Variants in MAP2K5 observed in about 807,000 individuals in gnomAD.
The protein encoded by MAP2K5 is mitogen-activated protein kinase kinase 5, also known as dual specificity mitogen-activated protein kinase kinase 5.
Under a neutral mutation model 83.1 loss-of-function variants are expected in MAP2K5, and 49 were observed. That is an observed-to-expected ratio of 0.59 (90% CI 0.47 to 0.75). MAP2K5 has a LOEUF of 0.75. Among genes scored for constraint, MAP2K5 ranks in the 30% least tolerant of loss-of-function variants. The pLI is 0.00. For missense variants in MAP2K5, 457 were observed against 557.5 expected (o/e 0.82, Z 1.82); for synonymous variants, 202 against 191.8 (o/e 1.05, Z -0.44).
At position 67,738,465 on chromosome 15, in the gene MAP2K5, C is replaced by T. The variant is rs374821397; in HGVS notation, c.1075-9766C>T. On this transcript the variant is annotated intron_variant, in intron 17 of 21. Coordinates refer to ENST00000178640, the MANE Select transcript of MAP2K5 (RefSeq NM_145160.3). This position sits in a 1 kb window ranked among gnomAD's most constrained non-coding sequence, Gnocchi z 4.1. ...AGGGCATAGGAGGCAGCAAATGACA[C>T]ACCCGACAAGTGACAAATTAAGTCA... 8.5e-5 allele frequency among the ~76,000 whole-genome samples: 13 copies of T among 152,240 alleles called. No homozygotes were observed. Among genetic ancestry groups the T allele is most frequent in the African/African-American group, 3.1e-4 (13 of 41,464 alleles).
At chr15:67,681,398 G>T (rs191754402) in intron 13 of MAP2K5, among the ~76,000 whole-genome samples, 1 of 152,144 alleles carries the variant, frequency 6.6e-6, no homozygotes, top group Admixed American at 6.5e-5. Flanking sequence ...TAAATGATTC[G>T]TCCAGTCTCA....
At chr15:67,630,995 T>G in intron 9 of MAP2K5, 68 bp downstream of exon 9, 1 of 1,243,098 alleles carries the variant, frequency 8.0e-7, no homozygotes, top group Non-Finnish European at 1.2e-6. Flanking sequence ...TTAGCTTGAG[T>G]CACAGATATT....
intron 21 of MAP2K5, among the ~76,000 whole-genome samples, chr15:67,787,838 G>A (rs941322929): frequency 3.9e-5 from 6 of 152,196 alleles, no homozygotes; most frequent in African/African-American, 1.2e-4. Flanking sequence ...TGCATTGTCT[G>A]TCATATATTT....
chr15:67,593,181 A>G (rs1260729694), intron 7 of MAP2K5, among the ~76,000 whole-genome samples: 4 of 152,210 alleles, frequency 2.6e-5, no homozygotes, highest in African/African-American at 4.8e-5. Context: ...TTGAAGTACC[A>G]TGCACACACC....
rs1448754685 is a variant in MAP2K5 at position 67,668,216 on chromosome 15, C to T, written c.847+3571C>T. 1.3e-5 allele frequency among the ~76,000 whole-genome samples: 2 copies of T among 152,100 alleles called. No individual in the cohort carries two copies. Among genetic ancestry groups the T allele is most frequent in the Non-Finnish European group, 2.9e-5 (2 of 68,020 alleles). On this transcript the variant is annotated intron_variant, in intron 13 of 21. Coordinates refer to ENST00000178640, the MANE Select transcript of MAP2K5 (RefSeq NM_145160.3). This position sits in a 1 kb window ranked among gnomAD's most constrained non-coding sequence, Gnocchi z 4.0. ...TTTTATTATAACCATGAATTAATCA[C>T]TTTATTCAGTTAATAAGAATACACC...
chr15:67,647,661 G>A (rs147571884), intron 11 of MAP2K5, among the ~76,000 whole-genome samples: 14 of 152,102 alleles, frequency 9.2e-5, no homozygotes, highest in African/African-American at 2.9e-4. Flanking sequence ...CGAGGCAAGC[G>A]GAGTTTGAGA....
intron 17 of MAP2K5, among the ~76,000 whole-genome samples, chr15:67,731,977 A>G (rs1406569067): frequency 1.3e-5 from 2 of 152,200 alleles, no homozygotes; most frequent in East Asian, 1.9e-4. Flanking sequence ...CTTACCATGT[A>G]TTTAGCAGAG....
chr15:67,628,923 G>A (rs752339616), intron 8 of MAP2K5: 3 of 754,796 alleles, frequency 4.0e-6, no homozygotes, highest in African/African-American at 1.7e-5. Flanking sequence ...TAGTAATAAT[G>A]GAAGCAATTT....
rs115071048 is a variant in MAP2K5 at position 67,660,365 on chromosome 15, G to T, written c.798+1751G>T. 5.9e-3 allele frequency among the ~76,000 whole-genome samples: 892 copies of T among 152,128 alleles called. 6 individuals are homozygous for T. The highest frequency in any genetic ancestry group is 0.021 in the African/African-American group (859 of 41,492). ...CTGACAAACACCAGATTGGCCCATG[G>T]CTAATACCTGGCACCAGGAGGGTTG... is the stretch of plus-strand genomic sequence containing the variant. On this transcript the variant is annotated intron_variant, in intron 12 of 21. Transcript: ENST00000178640.
chr15:67,543,304 A>G lies in MAP2K5; in HGVS notation c.-32A>G. The G allele has an allele frequency of 4.3e-6, 7 of 1,613,392 alleles. No homozygotes were observed. Among genetic ancestry groups the G allele is most frequent in the Non-Finnish European group, 5.9e-6 (7 of 1,179,712 alleles). On this transcript the variant is annotated 5_prime_UTR_variant, in exon 1 of 22. Transcript: ENST00000178640. This position sits in a 1 kb window ranked among gnomAD's most constrained non-coding sequence, Gnocchi z 4.3. ...CTAACCAGCGGCCAGTGGGTTTCCC[A>G]TACCCCAGGATGTGAGCCTCTTTAA...
Position 67,695,222 on chromosome 15 carries a change from T to C in MAP2K5, c.972+1654T>C, listed in dbSNP as rs1020818415. Among the ~76,000 whole-genome samples, 16 of 152,048 alleles carry C rather than the reference T, an allele frequency of 1.1e-4. No individual in the cohort carries two copies. In the East Asian group the frequency reaches 1.6e-3, roughly 15 times the overall value. ...CATGTATACATATGCAACTAACCTG[T>C]ACATTGTGCACATGTACCCTAAAAC... On this transcript the variant is annotated intron_variant, in intron 15 of 21. Coordinates refer to ENST00000178640, the MANE Select transcript of MAP2K5 (RefSeq NM_145160.3).
In MAP2K5 at chr15:67,698,322, G is replaced by A. The variant is rs1274307451; in HGVS notation, c.972+4754G>A. Among the ~76,000 whole-genome samples, 1 of 151,974 alleles carries A rather than the reference G, an allele frequency of 6.6e-6. No individual in the cohort carries two copies. Among genetic ancestry groups the A allele is most frequent in the Admixed American group, 6.6e-5 (1 of 15,264 alleles). On this transcript the variant is annotated intron_variant, in intron 15 of 21. Transcript: ENST00000178640. The surrounding 1 kb of genome is among the most constrained non-coding windows in gnomAD (Gnocchi z 4.5). Reference sequence around the variant, plus strand: ...CCTGCCTCAGCCTCCAGAGTAGCTGGGATTACAGGCGTGCACCACCACGCC... The same window carrying A: ...CCTGCCTCAGCCTCCAGAGTAGCTGAGATTACAGGCGTGCACCACCACGCC...
chr15:67,583,142 A>G (rs1456867283), intron 4 of MAP2K5, among the ~76,000 whole-genome samples: 1 of 152,204 alleles, frequency 6.6e-6, no homozygotes, highest in Non-Finnish European at 1.5e-5. Context: ...AGATTCAGAG[A>G]GGTTAAGTAA....
chr15:67,648,316 G>C (rs188670019), intron 11 of MAP2K5, among the ~76,000 whole-genome samples: 17 of 152,184 alleles, frequency 1.1e-4, no homozygotes, highest in Admixed American at 1.0e-3. Flanking sequence ...CATATAAATG[G>C]AATCTGATAA....
At position 67,769,593 on chromosome 15, in the gene MAP2K5, C is replaced by G. The variant is rs763702519; in HGVS notation, c.1135-9C>G. ...TGACTTTTGGTGACATGTTTTTCCTCCATCACAGGATTCGCCCGTCCTTCC... is the reference window on the plus strand; with the variant it reads ...TGACTTTTGGTGACATGTTTTTCCTGCATCACAGGATTCGCCCGTCCTTCC... On this transcript the variant is annotated splice_polypyrimidine_tract_variant and intron_variant, in intron 19 of 21. Transcript: ENST00000178640. This position sits in a 1 kb window ranked among gnomAD's most constrained non-coding sequence, Gnocchi z 5.2. 17 of 1,613,364 alleles carry G rather than the reference C, an allele frequency of 1.1e-5. No homozygotes were observed. The highest frequency in any genetic ancestry group is 1.4e-5 in the Non-Finnish European group (16 of 1,179,548).
chr15:67,793,997 T>C lies in MAP2K5; in HGVS notation c.1243-12649T>C, dbSNP rs1385800118. The stretch of plus-strand genomic sequence containing the variant: ...AGACCCTTGGTAAAATAGACACAGC[T>C]ACCATTAGAAGGAAGCTTGCAACTG... On this transcript the variant is annotated intron_variant, in intron 21 of 21. Transcript: ENST00000178640. This position sits in a 1 kb window ranked among gnomAD's most constrained non-coding sequence, Gnocchi z 4.6. Among the ~76,000 whole-genome samples, 5 of 152,224 alleles carry C rather than the reference T, an allele frequency of 3.3e-5. No individual in the cohort carries two copies. The highest frequency in any genetic ancestry group is 5.9e-5 in the Non-Finnish European group (4 of 68,040).
rs1392828260 is a variant in MAP2K5 at position 67,781,586 on chromosome 15, T to C, written c.1242+8834T>C. On this transcript the variant is annotated intron_variant, in intron 21 of 21. Transcript: ENST00000178640. This position sits in a 1 kb window ranked among gnomAD's most constrained non-coding sequence, Gnocchi z 4.0. ...GTCTACCGAGAGACATTTGCTGGAGTGTGGACTAGTTTCTTTCCAGTATCG... is the reference window on the plus strand; with the variant it reads ...GTCTACCGAGAGACATTTGCTGGAGCGTGGACTAGTTTCTTTCCAGTATCG... Among the ~76,000 whole-genome samples, 1 of 152,108 alleles carries C rather than the reference T, an allele frequency of 6.6e-6. No individual in the cohort carries two copies. The highest frequency in any genetic ancestry group is 2.4e-5 in the African/African-American group (1 of 41,410).
chr15:67,586,073 G>A lies in MAP2K5; in HGVS notation c.363+143G>A, dbSNP rs752067817. On this transcript the variant is annotated intron_variant, in intron 5 of 21. Transcript: ENST00000178640. ...TTTTTTTAAATGGGAGGTGGAGGGG[G>A]ATTCATCTGTAGTATTTGCTCAGTA... The A allele has an allele frequency of 2.0e-4, 144 of 727,746 alleles. 1 individual carries two copies. Among genetic ancestry groups the A allele is most frequent in the Non-Finnish European group, 3.2e-4 (131 of 410,158 alleles). 45.1% of individuals were successfully genotyped at this position (727,746 alleles called of 1,614,324 possible).
In MAP2K5 at chr15:67,802,866, T is replaced by C. The variant is rs1013386226; in HGVS notation, c.1243-3780T>C. ...TTCCTCTGCCTGGGAGGGATGTACATTTCACCCAAGCCCAGGGGAGGGACC... is the reference window on the plus strand; with the variant it reads ...TTCCTCTGCCTGGGAGGGATGTACACTTCACCCAAGCCCAGGGGAGGGACC... On this transcript the variant is annotated intron_variant, in intron 21 of 21. Coordinates refer to ENST00000178640, the MANE Select transcript of MAP2K5 (RefSeq NM_145160.3). This position sits in a 1 kb window ranked among gnomAD's most constrained non-coding sequence, Gnocchi z 5.0. Among the ~76,000 whole-genome samples the C allele has an allele frequency of 6.6e-6, 1 of 152,180 alleles. No individual in the cohort carries two copies. Among genetic ancestry groups the C allele is most frequent in the Admixed American group, 6.5e-5 (1 of 15,274 alleles).
Sources: gnomAD v4.1 joint callset for allele counts (sites outside exome capture counted in the v4.1 genomes callset) on GRCh38, gnomAD v4.1.1 for gene constraint, Gnocchi (gnomAD v3.1) non-coding constraint, MANE v1.5 for transcripts, NCBI Gene and HGNC (gene_info 2026-07-23, HGNC 2026-07-21) for gene names.